Variants in VWF observed in about 807,000 individuals in gnomAD.
VWF encodes von Willebrand factor, also known as Factor VIII related antigen.
A neutral mutation model predicts 308.6 loss-of-function variants in VWF; 176 were observed. The observed-to-expected ratio is 0.57, with a 90% CI of 0.50 to 0.65. The LOEUF (loss-of-function observed/expected upper bound fraction) is 0.65. Ranked by LOEUF, VWF falls within the 30% of genes least tolerant of loss-of-function variation. The pLI is 0.00. For synonymous variants in VWF, 1,385 were observed against 1,443.4 expected (o/e 0.96, Z 0.92); for missense variants, 3,146 against 3,648.2 (o/e 0.86, Z 3.55).
intron 47 of VWF, among the ~76,000 whole-genome samples, chr12:5,961,918 A>C (rs1943322201): frequency 1.3e-5 from 2 of 152,092 alleles, no homozygotes; most frequent in Admixed American, 1.3e-4. Flanking sequence ...AAGTGATTTA[A>C]GTCATGAGGG....
intron 50 of VWF, 124 bp downstream of exon 50, chr12:5,951,719 GA>G (rs1443077588): frequency 1.8e-6 from 2 of 1,104,544 alleles, no homozygotes; most frequent in Non-Finnish European, 2.8e-6. Flanking sequence ...ATATCTTTCT[GA>G]AATAAAGCTT....
chr12:5,982,106 G>T, intron 41 of VWF, 115 bp from the exon 42 acceptor site: 1 of 971,090 alleles, frequency 1.0e-6, no homozygotes, highest in Non-Finnish European at 1.6e-6. Flanking sequence ...TCAGAAATGT[G>T]TGAGGGCCAA....
intron 10 of VWF, among the ~76,000 whole-genome samples, chr12:6,067,386 C>A (rs971301151): frequency 1.3e-5 from 2 of 152,224 alleles, no homozygotes; most frequent in African/African-American, 4.8e-5. Context: ...CTTCTGTCTT[C>A]TTTAACAATA....
chr12:5,979,111 A>C lies in VWF; in HGVS notation c.7287+2675T>G, dbSNP rs1943563752. ...GTTCATAATGAAGCTAAAAACAAAA[A>C]ACCTCTTTCGCTGTCCTTGACAGTT... On this transcript the variant is annotated intron_variant, in intron 42 of 51. Coordinates refer to ENST00000261405, the MANE Select transcript of VWF (RefSeq NM_000552.5). Among the ~76,000 whole-genome samples the C allele has an allele frequency of 3.3e-5, 5 of 152,204 alleles. No individual in the cohort carries two copies. In the South Asian group the frequency reaches 1.0e-3, roughly 32 times the overall value.
chr12:6,078,031 G>A (rs770027875), intron 6 of VWF, among the ~76,000 whole-genome samples: 1 of 152,120 alleles, frequency 6.6e-6, no homozygotes, highest in Non-Finnish European at 1.5e-5. Context: ...CTTAATAAAT[G>A]ATGACCCCTA....
rs1369240301 is a variant in VWF, at chr12:5,990,907, AAT to A, written c.6798+910_6798+911del. On this transcript the variant is annotated intron_variant, in intron 38 of 51. Coordinates refer to ENST00000261405, the MANE Select transcript of VWF (RefSeq NM_000552.5). ...AAAAAAAAAAAAAAAAAAAAAAAAA[AAT>A]TTTGATGACTCAGTGACTCCCAAGC... is the stretch of plus-strand genomic sequence containing the variant. Among the ~76,000 whole-genome samples, 31 of 37,152 alleles carry A rather than the reference AAT, an allele frequency of 8.3e-4. 6 individuals are homozygous for A. Among genetic ancestry groups the A allele is most frequent in the African/African-American group, 3.2e-3 (30 of 9,252 alleles). 24.4% of individuals were successfully genotyped at this position (37,152 alleles called of 152,430 possible). A position where few individuals can be genotyped will look rare whatever the true frequency, so the allele number is the denominator to read the frequency against.
chr12:6,026,642 G>C (rs1944195865), intron 22 of VWF, among the ~76,000 whole-genome samples: 1 of 152,220 alleles, frequency 6.6e-6, no homozygotes, highest in South Asian at 2.1e-4. Flanking sequence ...TTACGAATGA[G>C]TGAGAAACAA....
At chr12:6,049,772 G>A (rs1251682414) in intron 16 of VWF, among the ~76,000 whole-genome samples, 2 of 152,354 alleles carry the variant, frequency 1.3e-5, no homozygotes, top group African/African-American at 4.8e-5. Flanking sequence ...AACAGCACTG[G>A]GCTAAGGCCA....
At chr12:5,971,236 C>T (rs1333300082) in intron 44 of VWF, among the ~76,000 whole-genome samples, 3 of 152,184 alleles carry the variant, frequency 2.0e-5, no homozygotes, top group African/African-American at 7.2e-5. Context: ...GAGGACCCTG[C>T]CTGGGTTGAT....
intron 10 of VWF, among the ~76,000 whole-genome samples, chr12:6,069,950 A>G (rs543003892): frequency 1.3e-4 from 20 of 152,338 alleles, no homozygotes; most frequent in African/African-American, 4.8e-4. Flanking sequence ...TATAGTAAGT[A>G]CTTGTTAAAA....
intron 44 of VWF, among the ~76,000 whole-genome samples, chr12:5,969,879 A>G (rs1943450949): frequency 2.0e-5 from 3 of 152,172 alleles, no homozygotes; most frequent in South Asian, 2.1e-4. Flanking sequence ...CCTGACCCCA[A>G]GGGTTGTCAC....
chr12:6,069,064 C>G (rs901530627), intron 10 of VWF, among the ~76,000 whole-genome samples: 1 of 151,834 alleles, frequency 6.6e-6, no homozygotes, highest in Non-Finnish European at 1.5e-5. Flanking sequence ...ACCATGTTGC[C>G]CAGGCTGGTC....
At chr12:6,065,998 C>A (rs1456887674) in intron 10 of VWF, among the ~76,000 whole-genome samples, 1 of 152,230 alleles carries the variant, frequency 6.6e-6, no homozygotes, top group Non-Finnish European at 1.5e-5. Context: ...ATCTCACCAC[C>A]ACCCAGGCAG....
chr12:6,097,594 C>A (rs545310315), intron 5 of VWF, among the ~76,000 whole-genome samples: 1 of 152,182 alleles, frequency 6.6e-6, no homozygotes, highest in East Asian at 1.9e-4. Context: ...GTAGAAGAGG[C>A]CAGGAACAGA....
In VWF at chr12:6,057,934, G is replaced by A; in HGVS notation, c.1644C>T (p.Asp548=). Residue 548 remains aspartate (D), a synonymous_variant, in exon 14 of 52, where the codon GAC becomes GAT. Transcript: ENST00000261405. ...CGTGCAGCTTCCAGGCGTTCCCGAA[G>A]TCCTCCACCCGGGGCTCCGCCAGCC... ...PSGLAEPRVE[D]FGNAWKLHGD... 1.2e-6 allele frequency: 2 copies of A among 1,613,722 alleles called. No individual in the cohort carries two copies. Among genetic ancestry groups the A allele is most frequent in the Non-Finnish European group, 1.7e-6 (2 of 1,180,004 alleles).
Position 6,098,995 on chromosome 12 carries a change from T to C in VWF, c.533-3411A>G, listed in dbSNP as rs187150651. On this transcript the variant is annotated intron_variant, in intron 5 of 51. Coordinates refer to ENST00000261405, the MANE Select transcript of VWF (RefSeq NM_000552.5). ...CCTTAAAGGATGACAACACCCTCCA[T>C]GAGAAAGTTCACAAGAAAAAAAATC... is the stretch of plus-strand genomic sequence containing the variant. 4.4e-3 allele frequency among the ~76,000 whole-genome samples: 651 copies of C among 149,654 alleles called. 11 individuals carry two copies. The highest frequency in any genetic ancestry group is 0.014 in the Middle Eastern group (4 of 292).
At chr12:5,995,869 A>T in intron 35 of VWF, 133 bp downstream of exon 35, 1 of 804,876 alleles carries the variant, frequency 1.2e-6, no homozygotes, top group Non-Finnish European at 2.1e-6. Flanking sequence ...AGAAAGTGGT[A>T]CTCCTCTCCT....
At chr12:5,984,374 T>C (rs216872) in intron 40 of VWF, among the ~76,000 whole-genome samples, 41,818 of 152,202 alleles carry the variant, frequency 0.27, 6,462 homozygotes, top group East Asian at 0.5. Context: ...ATCAATTTCA[T>C]GAGTACAAAT....
At chr12:6,049,319 G>C (rs146113496) in intron 16 of VWF, among the ~76,000 whole-genome samples, 130 of 152,282 alleles carry the variant, frequency 8.5e-4, no homozygotes, top group African/African-American at 2.9e-3. Context: ...GCCTAAAAGA[G>C]AGACAAGGAG....
Sources: allele counts gnomAD v4.1 joint callset (sites outside exome capture counted in the v4.1 genomes callset), GRCh38; gene constraint gnomAD v4.1.1; transcripts MANE v1.5; gene names NCBI Gene and HGNC (gene_info 2026-07-23, HGNC 2026-07-21).